Variants in ELOF1 observed in about 807,000 individuals in gnomAD.
The protein encoded by ELOF1 is transcription elongation factor 1 homolog.
In ELOF1, 4 loss-of-function variants were observed where a neutral mutation model predicts 7.1. The observed-to-expected ratio is 0.56, with a 90% CI of 0.28 to 1.29. The LOEUF (loss-of-function observed/expected upper bound fraction) is 1.29, where lower values mean the gene tolerates loss of function less well. Among genes scored for constraint, ELOF1 ranks in the 50% most tolerant of loss-of-function variants. The pLI is 0.10. For missense variants in ELOF1, 59 were observed against 86.3 expected (o/e 0.68, Z 1.25); for synonymous variants, 31 against 31.9 (o/e 0.97, Z 0.09).
chr19:11,553,531 C>T lies in ELOF1; in HGVS notation c.188-476G>A, dbSNP rs994027761. The T allele has an allele frequency of 1.3e-5, 8 of 633,196 alleles. No individual in the cohort carries two copies. The East Asian group carries it at 1.6e-4, about 13-fold the overall frequency. The allele number at this position is 633,196 out of a possible 1,614,324, so 39.2% of individuals were successfully genotyped here. A position where few individuals can be genotyped will look rare whatever the true frequency, so the allele number is the denominator to read the frequency against. On this transcript the variant is annotated intron_variant, in intron 3 of 3. Coordinates refer to ENST00000586683, the Ensembl canonical transcript of ELOF1. ...CTCACGGCCACCCCAGTGACACGTGCAGCCACACACACCCACACTCACTCA... is the reference window on the plus strand; with the variant it reads ...CTCACGGCCACCCCAGTGACACGTGTAGCCACACACACCCACACTCACTCA...
intron 1 of ELOF1, 159 bp from the exon 2 acceptor site, chr19:11,554,524 A>G (rs1972799391): frequency 9.5e-7 from 1 of 1,052,494 alleles, no homozygotes; most frequent in African/African-American, 1.6e-5. Flanking sequence ...GCAGGAGGAC[A>G]ATTCCCTGTC....
intron 1 of ELOF1, among the ~76,000 whole-genome samples, chr19:11,555,953 G>A (rs1972827343): frequency 6.6e-6 from 1 of 152,044 alleles, no homozygotes; most frequent in African/African-American, 2.4e-5. Context: ...GGGACAAGGT[G>A]GCATCATTCT....
intron 1 of ELOF1, 31 bp from the exon 2 acceptor site, chr19:11,554,396 A>G (rs1407734818): frequency 6.2e-7 from 1 of 1,603,006 alleles, no homozygotes; most frequent in African/African-American, 1.3e-5. Flanking sequence ...CAGTGGTTTG[A>G]GGAAACCACG....
At chr19:11,553,249 G>GAAGGGT in intron 3 of ELOF1, 1 of 399,440 alleles carries the variant, frequency 2.5e-6, no homozygotes, top group Non-Finnish European at 4.4e-6. Context: ...AGGTGGAGAA[G>GAAGGGT]GAGAGCGGGA....
At chr19:11,558,046 G>A (rs1417776334) in intron 1 of ELOF1, among the ~76,000 whole-genome samples, 2 of 152,108 alleles carry the variant, frequency 1.3e-5, no homozygotes, top group African/African-American at 4.8e-5. Flanking sequence ...TCCACCTGAT[G>A]TCTAACTTCC....
chr19:11,553,631 ACG>A, intron 3 of ELOF1: 1 of 878,566 alleles, frequency 1.1e-6, no homozygotes, highest in Non-Finnish European at 1.8e-6. Flanking sequence ...ACACACACAC[ACG>A]GCTGTGACAG....
chr19:11,558,117 A>G lies in ELOF1; in HGVS notation c.-19+1074T>C, dbSNP rs369074107. Among the ~76,000 whole-genome samples, 10 of 152,286 alleles carry G rather than the reference A, an allele frequency of 6.6e-5. No homozygotes were observed. The East Asian group carries it at 1.9e-3, about 29-fold the overall frequency. On this transcript the variant is annotated intron_variant, in intron 1 of 3. Coordinates refer to ENST00000586683, the Ensembl canonical transcript of ELOF1. ...CCCTGACATTGCAACCTGCTCTTCC[A>G]GTCTTCCTCATCTCAGCTAACAGCA...
At position 11,554,130 on chromosome 19, in the gene ELOF1, G is replaced by A. The variant is rs1436611214; in HGVS notation, c.117-49C>T. On this transcript the variant is annotated intron_variant, in intron 2 of 3. Coordinates refer to ENST00000586683, the Ensembl canonical transcript of ELOF1. ...CTGGTGAGCAATGCGTCCTGGGCCT[G>A]TGGGTGATGACGCCTTCACCAAGGG... 6 of 1,613,924 alleles carry A rather than the reference G, an allele frequency of 3.7e-6. No homozygotes were observed. In the East Asian group the frequency reaches 1.1e-4, roughly 30 times the overall value.
rs758682982 is a variant in ELOF1, at chr19:11,553,797, G to C, written c.187+214C>G. 4.3e-6 allele frequency: 7 copies of C among 1,614,032 alleles called. No individual in the cohort carries two copies. The African/African-American group carries it at 5.3e-5, about 12-fold the overall frequency. ...CTATCCAATCACTGTACACATCCAC[G>C]GGTTCTGACAGATCTGGGCCACTTA... On this transcript the variant is annotated intron_variant, in intron 3 of 3. Transcript: ENST00000586683.
intron 3 of ELOF1, 80 bp downstream of exon 3, chr19:11,553,931 A>T: frequency 6.2e-7 from 1 of 1,609,446 alleles, no homozygotes; most frequent in Non-Finnish European, 8.5e-7. Context: ...GCACCAGGGC[A>T]CACAGTGGGC....
At chr19:11,558,988 C>G (rs1453036820) in intron 1 of ELOF1, 3 of 151,968 alleles carry the variant, frequency 2.0e-5, no homozygotes, top group Non-Finnish European at 2.9e-5. Flanking sequence ...CATCGCCTCC[C>G]GACGGCCGCC....
intron 3 of ELOF1, chr19:11,553,577 C>T (rs532757379): frequency 1.4e-6 from 1 of 734,158 alleles, no homozygotes; most frequent in African/African-American, 1.8e-5. Flanking sequence ...CACACGCACA[C>T]CCACTACACA....
In ELOF1 at chr19:11,554,375, G is replaced by C. The variant is rs1972795193; in HGVS notation, c.-18-10C>G. The C allele has an allele frequency of 1.2e-6, 2 of 1,610,760 alleles. No individual in the cohort carries two copies. Among genetic ancestry groups the C allele is most frequent in the South Asian group, 2.2e-5 (2 of 90,878 alleles). ...CTGCAGGTGGATGAGCCTGTGGGGA[G>C]TGGCAGATGTCAGTGGTTTGAGGAA... On this transcript the variant is annotated splice_polypyrimidine_tract_variant and intron_variant, in intron 1 of 3. Transcript: ENST00000586683.
intron 1 of ELOF1, chr19:11,555,609 G>T: frequency 6.5e-6 from 1 of 152,698 alleles, no homozygotes. Context: ...AGGCACTTCT[G>T]AGTAGAGGAA....
intron 2 of ELOF1, 30 bp downstream of exon 2, chr19:11,554,202 G>C: frequency 6.2e-7 from 1 of 1,613,110 alleles, no homozygotes; most frequent in East Asian, 2.2e-5. Flanking sequence ...CAGTGGGGAG[G>C]CTGGATCCCT....
Position 11,554,586 on chromosome 19 carries a change from T to C in ELOF1, c.-18-221A>G, listed in dbSNP as rs1972800500. 2.7e-5 allele frequency: 16 copies of C among 602,002 alleles called. No individual in the cohort carries two copies. The South Asian group carries it at 4.2e-4, about 16-fold the overall frequency. 37.3% of individuals were successfully genotyped at this position (602,002 alleles called of 1,614,324 possible). ...AGGCTCTAACCCCATCTCTCTCACT[T>C]ACTGCGTGACCTGGGCAGGTTATTT... is the stretch of plus-strand genomic sequence containing the variant. On this transcript the variant is annotated intron_variant, in intron 1 of 3. Coordinates refer to ENST00000586683, the Ensembl canonical transcript of ELOF1.
chr19:11,556,847 G>A (rs1015679570), intron 1 of ELOF1, among the ~76,000 whole-genome samples: 2 of 152,114 alleles, frequency 1.3e-5, no homozygotes, highest in Admixed American at 1.3e-4. Context: ...GCCCAGCTTC[G>A]GCATGCCTCC....
intron 1 of ELOF1, among the ~76,000 whole-genome samples, chr19:11,556,111 G>A (rs964073957): frequency 1.5e-4 from 23 of 151,976 alleles, no homozygotes; most frequent in Non-Finnish European, 2.9e-4. Flanking sequence ...TGCGAGGCAC[G>A]GTGCTCAGGG....
chr19:11,554,381 G>T lies in ELOF1; in HGVS notation c.-18-16C>A, dbSNP rs576080881. The T allele has an allele frequency of 7.5e-6, 12 of 1,609,078 alleles. No individual in the cohort carries two copies. In the Admixed American group the frequency reaches 8.4e-5, roughly 11 times the overall value. On this transcript the variant is annotated splice_polypyrimidine_tract_variant and intron_variant, in intron 1 of 3. Transcript: ENST00000586683. ...GTGGATGAGCCTGTGGGGAGTGGCA[G>T]ATGTCAGTGGTTTGAGGAAACCACG...
Sources: gnomAD v4.1 joint callset for allele counts (sites outside exome capture counted in the v4.1 genomes callset) on GRCh38, gnomAD v4.1.1 for gene constraint, MANE v1.5 for transcripts, NCBI Gene and HGNC (gene_info 2026-07-23, HGNC 2026-07-21) for gene names.